Variants in ESCO1 observed in about 807,000 individuals in gnomAD.
ESCO1 encodes the protein N-acetyltransferase ESCO1.
ESCO1 carries 33 observed loss-of-function variants against 83.5 expected under a neutral mutation model. The observed-to-expected ratio is 0.40, with a 90% CI of 0.30 to 0.53. The LOEUF is 0.53. Ranked by LOEUF, ESCO1 falls within the 20% of genes least tolerant of loss-of-function variation. The pLI is 0.63. For synonymous variants in ESCO1, 332 were observed against 324.3 expected, an observed-to-expected ratio of 1.02 and a Z score of -0.25; for missense variants, 855 against 968.0, an observed-to-expected ratio of 0.88 and a Z score of 1.55.
chr18:21,549,293 C>T (rs1046653677), intron 8 of ESCO1, among the ~76,000 whole-genome samples: 1 of 152,174 alleles, frequency 6.6e-6, no homozygotes, highest in Non-Finnish European at 1.5e-5. Flanking sequence ...GATGTTACAA[C>T]TGTGAAGCAC....
At chr18:21,531,930 A>ATT (rs2146163291) in intron 11 of ESCO1, among the ~76,000 whole-genome samples, 1 of 151,156 alleles carries the variant, frequency 6.6e-6, no homozygotes, top group Non-Finnish European at 1.5e-5. Context: ...GCTGACCTAA[A>ATT]AACCTCTTTT....
intron 1 of ESCO1, among the ~76,000 whole-genome samples, chr18:21,592,670 C>T (rs1380649863): frequency 6.0e-5 from 9 of 150,998 alleles, no homozygotes; most frequent in South Asian, 2.1e-4. Flanking sequence ...ACCTCCCTCC[C>T]GGACGGGGCA....
intron 1 of ESCO1, among the ~76,000 whole-genome samples, chr18:21,593,801 G>C (rs2038721078): frequency 1.8e-5 from 2 of 109,402 alleles, no homozygotes; most frequent in Admixed American, 2.3e-4. Context: ...ATGGCCACAG[G>C]CACCTCCTTT....
At chr18:21,548,645 A>T (rs577063837) in intron 8 of ESCO1, among the ~76,000 whole-genome samples, 12 of 151,954 alleles carry the variant, frequency 7.9e-5, no homozygotes, top group South Asian at 2.1e-4. Flanking sequence ...AAAAATTTTT[A>T]AATTTAAAAA....
intron 11 of ESCO1, among the ~76,000 whole-genome samples, chr18:21,531,611 G>C (rs1349403983): frequency 6.6e-6 from 1 of 152,008 alleles, no homozygotes; most frequent in Non-Finnish European, 1.5e-5. Context: ...TTGAGCCCAG[G>C]AGTTCGAGAC....
intron 2 of ESCO1, among the ~76,000 whole-genome samples, chr18:21,580,341 G>A (rs945614459): frequency 1.3e-5 from 2 of 152,130 alleles, no homozygotes; most frequent in Non-Finnish European, 2.9e-5. Flanking sequence ...ACATACAGAT[G>A]ATTAAGATCA....
chr18:21,530,215 A>T lies in ESCO1; in HGVS notation c.*128T>A. On this transcript the variant is annotated 3_prime_UTR_variant, in exon 12 of 12. Transcript: ENST00000269214. Reference sequence around the variant, plus strand: ...ATTGTTTCCAATTTTATGAAAATGGAACAACCATATGGTTGTTGCCAGTCC... The same window carrying T: ...ATTGTTTCCAATTTTATGAAAATGGTACAACCATATGGTTGTTGCCAGTCC... The T allele has an allele frequency of 1.5e-6, 1 of 681,626 alleles. No individual in the cohort carries two copies. Among genetic ancestry groups the T allele is most frequent in the Non-Finnish European group, 2.2e-6 (1 of 451,396 alleles). The allele number at this position is 681,626 out of a possible 1,614,324, so 42.2% of individuals were successfully genotyped here. A position where few individuals can be genotyped will look rare whatever the true frequency, so the allele number is the denominator to read the frequency against.
intron 1 of ESCO1, among the ~76,000 whole-genome samples, chr18:21,593,811 T>TA (rs10719508): frequency 2.6e-4 from 37 of 142,876 alleles, no homozygotes; most frequent in African/African-American, 6.7e-4. Flanking sequence ...GCACCTCCTT[T>TA]AAAAAAAAAA....
chr18:21,531,100 A>G (rs1235030977), intron 11 of ESCO1, among the ~76,000 whole-genome samples: 1 of 152,192 alleles, frequency 6.6e-6, no homozygotes, highest in South Asian at 2.1e-4. Flanking sequence ...GAACAACCTA[A>G]AACTGAAATT....
intron 1 of ESCO1, among the ~76,000 whole-genome samples, chr18:21,597,970 A>G (rs1398537821): frequency 6.6e-6 from 1 of 152,242 alleles, no homozygotes; most frequent in African/African-American, 2.4e-5. Context: ...CAGAACTTAT[A>G]CAGGAAAAAC....
At chr18:21,582,949 G>T (rs113259591) in intron 2 of ESCO1, among the ~76,000 whole-genome samples, 1 of 152,026 alleles carries the variant, frequency 6.6e-6, no homozygotes, top group Non-Finnish European at 1.5e-5. Flanking sequence ...CCAGCACTTT[G>T]GGGGGGCCAA....
At chr18:21,559,390 T>G (rs142385697) in intron 8 of ESCO1, among the ~76,000 whole-genome samples, 180 of 152,348 alleles carry the variant, frequency 1.2e-3, no homozygotes, top group Non-Finnish European at 2.0e-3. Context: ...AGATGATGAC[T>G]CCACCTTGTT....
chr18:21,564,408 T>G (rs77344817), intron 6 of ESCO1, 91 bp from the exon 7 acceptor site: 1 of 883,788 alleles, frequency 1.1e-6, no homozygotes, highest in Non-Finnish European at 1.7e-6. Flanking sequence ...TTTTTTTTTT[T>G]GAGACGAAGT....
chr18:21,573,636 T>C lies in ESCO1; in HGVS notation c.1208A>G (p.Gln403Arg), dbSNP rs377470214. 14 of 1,614,084 alleles carry C rather than the reference T, an allele frequency of 8.7e-6. No homozygotes were observed. The highest frequency in any genetic ancestry group is 1.1e-5 in the Non-Finnish European group (13 of 1,180,032). The change falls in exon 4 of 12, where the codon CAG becomes CGG. Residue 403 changes from glutamine to arginine, a missense_variant. By Grantham distance (43) the Gln-to-Arg change is conservative. This residue lies in a region of ESCO1 where 726 missense variants were observed against 699.5 expected (regional missense o/e 1.04). Transcript: ENST00000269214. ...KIKLSKFNSV[Q>R]HNKLDSQVSP... ...AACTTGAGAGTCCAACTTATTGTGC[T>C]GCACAGAGTTAAATTTTGAGAGTTT... is the stretch of plus-strand genomic sequence containing the variant.
intron 9 of ESCO1, among the ~76,000 whole-genome samples, chr18:21,537,860 A>G (rs2037855302): frequency 6.6e-6 from 1 of 152,192 alleles, no homozygotes; most frequent in African/African-American, 2.4e-5. Context: ...TTTTCATTTC[A>G]GTTGACCCTC....
At chr18:21,588,772 C>T (rs900162516) in intron 1 of ESCO1, among the ~76,000 whole-genome samples, 2 of 151,864 alleles carry the variant, frequency 1.3e-5, no homozygotes, top group South Asian at 2.1e-4. Flanking sequence ...CAAAAATAGC[C>T]GGGCATGGTG....
intron 7 of ESCO1, among the ~76,000 whole-genome samples, chr18:21,562,805 TTTAAAA>T (rs1454521414): frequency 6.6e-6 from 1 of 152,176 alleles, no homozygotes; most frequent in Non-Finnish European, 1.5e-5. Flanking sequence ...AAAATGTAAC[TTTAAAA>T]TAATAATGTA....
At chr18:21,591,220 GAGA>G (rs1245776441) in intron 1 of ESCO1, among the ~76,000 whole-genome samples, 2 of 152,208 alleles carry the variant, frequency 1.3e-5, no homozygotes, top group Admixed American at 6.5e-5. Context: ...ATCCTTGTAA[GAGA>G]AGGAGACAGA....
In ESCO1 at chr18:21,536,093, A is replaced by T; in HGVS notation, c.2136T>A (p.Ile712=). Residue 712 remains isoleucine (I), a synonymous_variant, in exon 10 of 12, where the codon ATT becomes ATA. Coordinates refer to ENST00000269214, the MANE Select transcript of ESCO1 (RefSeq NM_052911.3). The part of the protein sequence containing the change: ...CYSRTKTLLF[I]SNDKKVVGCL... ...AGCCAACTACTTTTTTGTCATTGGA[A>T]ATGAAGAGAAGTGTTTTAGTTCTGG... 1 of 1,614,154 alleles carries T rather than the reference A, an allele frequency of 6.2e-7. No homozygotes were observed.
Sources: allele counts gnomAD v4.1 joint callset (sites outside exome capture counted in the v4.1 genomes callset), GRCh38; gene constraint gnomAD v4.1.1; regional missense constraint gnomAD v4.1.1; transcripts MANE v1.5; gene names NCBI Gene and HGNC (gene_info 2026-07-23, HGNC 2026-07-21).